Variants in FRMD6 observed in about 807,000 individuals in gnomAD.
FRMD6 encodes the protein FERM domain-containing protein 6.
Under a neutral mutation model 73.2 loss-of-function variants are expected in FRMD6, and 37 were observed. The ratio of observed to expected loss-of-function variants is 0.51; its 90% CI spans 0.39 to 0.66. The LOEUF (loss-of-function observed/expected upper bound fraction) is 0.66. Ranked by LOEUF, FRMD6 falls within the 30% of genes least tolerant of loss-of-function variation. The pLI is 0.00. For synonymous variants in FRMD6, 273 were observed against 282.2 expected (o/e 0.97, Z 0.33); for missense variants, 714 against 780.5 (o/e 0.91, Z 1.02).
chr14:51,648,959 C>T (rs1157827745), upstream of FRMD6, among the ~76,000 whole-genome samples: 2 of 152,288 alleles, frequency 1.3e-5, no homozygotes, highest in East Asian at 3.9e-4. Context: ...AACATCTCAT[C>T]ATATTAGTGA....
chr14:51,444,366 G>A, the FRMD6 span, among the ~76,000 whole-genome samples: 1 of 152,224 alleles, frequency 6.6e-6, no homozygotes, highest in Non-Finnish European at 1.5e-5. Context: ...CCTGGGTCTG[G>A]GAGGTGAAGA....
chr14:51,488,845 C>T (rs936650966), upstream of FRMD6, among the ~76,000 whole-genome samples: 2 of 152,204 alleles, frequency 1.3e-5, no homozygotes, highest in African/African-American at 4.8e-5. Flanking sequence ...GGTGGATGCC[C>T]TATGGATGGA....
chr14:51,700,952 A>C (rs143101516), intron 3 of FRMD6, 104 bp from the exon 4 acceptor site: 1 of 526,754 alleles, frequency 1.9e-6, no homozygotes, highest in East Asian at 3.2e-5. Flanking sequence ...TTCAGACTAC[A>C]TTCACAAGTC....
At chr14:51,566,060 G>C (rs546610440) in intron 1 of FRMD6, among the ~76,000 whole-genome samples, 2 of 152,320 alleles carry the variant, frequency 1.3e-5, no homozygotes, top group African/African-American at 4.8e-5. Flanking sequence ...AGCTACTCAG[G>C]AGGCTGAGGC....
chr14:51,678,287 G>C (rs114922224), intron 1 of FRMD6, among the ~76,000 whole-genome samples: 1,787 of 152,208 alleles, frequency 0.012, 48 homozygotes, highest in African/African-American at 0.041. Flanking sequence ...GGATATTTTT[G>C]GTACTTGCAA....
chr14:51,532,989 G>A (rs1885674688), intron 1 of FRMD6, among the ~76,000 whole-genome samples: 1 of 152,202 alleles, frequency 6.6e-6, no homozygotes, highest in Admixed American at 6.5e-5. Flanking sequence ...CTGCAATACT[G>A]CTATTAGCTC....
chr14:51,632,366 T>C (rs554040256), intron 2 of FRMD6, among the ~76,000 whole-genome samples: 2 of 152,276 alleles, frequency 1.3e-5, no homozygotes, highest in South Asian at 4.1e-4. Context: ...AACTCCATAA[T>C]AAAATACGCT....
intron 2 of FRMD6, among the ~76,000 whole-genome samples, chr14:51,696,285 T>A (rs1164355062): frequency 6.6e-6 from 1 of 151,570 alleles, no homozygotes; most frequent in Non-Finnish European, 1.5e-5. Flanking sequence ...CTAATAAACC[T>A]TGATGATTCT....
the FRMD6 span, among the ~76,000 whole-genome samples, chr14:51,470,003 G>A: frequency 6.6e-6 from 1 of 151,978 alleles, no homozygotes; most frequent in African/African-American, 2.4e-5. Context: ...CAGATGTTCT[G>A]TTTCTTCTGG....
intron 1 of FRMD6, among the ~76,000 whole-genome samples, chr14:51,501,402 G>T (rs931345013): frequency 6.6e-6 from 1 of 151,934 alleles, no homozygotes; most frequent in South Asian, 2.1e-4. Context: ...CCAGTGTGTT[G>T]TTTCCCCACC....
At chr14:51,421,959 G>A in the FRMD6 span, among the ~76,000 whole-genome samples, 1 of 152,188 alleles carries the variant, frequency 6.6e-6, no homozygotes, top group Non-Finnish European at 1.5e-5. Context: ...TAGGGTTCAG[G>A]GGAGCTAGCC....
intron 1 of FRMD6, among the ~76,000 whole-genome samples, chr14:51,501,027 A>G (rs769193881): frequency 6.6e-5 from 10 of 152,196 alleles, no homozygotes; most frequent in Non-Finnish European, 1.0e-4. Context: ...TGGTGCTCAG[A>G]CAGCTTCCCT....
chr14:51,562,413 G>A (rs1887533581), intron 1 of FRMD6, among the ~76,000 whole-genome samples: 1 of 152,232 alleles, frequency 6.6e-6, no homozygotes, highest in Middle Eastern at 3.4e-3. Flanking sequence ...GGCACCCTGC[G>A]ATCTTCAAGC....
At chr14:51,679,555 C>CTTTTT (rs61250963) in intron 1 of FRMD6, among the ~76,000 whole-genome samples, 12 of 120,578 alleles carry the variant, frequency 1.0e-4, no homozygotes, top group African/African-American at 2.7e-4. Context: ...CATTTGTTTT[C>CTTTTT]TTTTTTTTTT....
chr14:51,553,658 T>C (rs1423745560), intron 1 of FRMD6, among the ~76,000 whole-genome samples: 16 of 152,138 alleles, frequency 1.1e-4, no homozygotes, highest in Non-Finnish European at 1.5e-5. Context: ...AGGAAAGGGA[T>C]CAGATTTTCT....
chr14:51,652,809 C>T (rs911398994), intron 1 of FRMD6, among the ~76,000 whole-genome samples: 2 of 152,216 alleles, frequency 1.3e-5, no homozygotes, highest in Non-Finnish European at 2.9e-5. Flanking sequence ...AGCTGCGGTC[C>T]ACCCGTGTAA....
At chr14:51,652,851 T>A (rs927159806) in intron 1 of FRMD6, among the ~76,000 whole-genome samples, 4 of 152,140 alleles carry the variant, frequency 2.6e-5, no homozygotes, top group Admixed American at 6.5e-5. Flanking sequence ...AAACAACACC[T>A]CGAGTCCTGG....
intron 2 of FRMD6, among the ~76,000 whole-genome samples, chr14:51,632,024 A>G (rs1410964537): frequency 6.6e-6 from 1 of 152,184 alleles, no homozygotes; most frequent in Non-Finnish European, 1.5e-5. Flanking sequence ...ATGTGGAGGG[A>G]GGGACCTGGT....
chr14:51,708,123 A>G lies in FRMD6; in HGVS notation c.604A>G (p.Asn202Asp), dbSNP rs749489381. The change falls in exon 7 of 14, where the codon AAC becomes GAC. Residue 202 changes from asparagine to aspartate, a missense_variant. Coordinates refer to ENST00000344768, the MANE Select transcript of FRMD6 (RefSeq NM_001267046.2). ...GKDYILKHIP[N>D]MHKDQFALTA... Reference sequence around the variant, plus strand: ...GGACTACATCCTGAAGCACATTCCAAACATGCACAAAGATCAGTTTGCACT... The same window carrying G: ...GGACTACATCCTGAAGCACATTCCAGACATGCACAAAGATCAGTTTGCACT... 8 of 1,613,226 alleles carry G rather than the reference A, an allele frequency of 5.0e-6. No individual in the cohort carries two copies. In the African/African-American group the frequency reaches 5.3e-5, roughly 11 times the overall value.
Sources: allele counts gnomAD v4.1 joint callset (sites outside exome capture counted in the v4.1 genomes callset), GRCh38; gene constraint gnomAD v4.1.1; transcripts MANE v1.5; gene names NCBI Gene and HGNC (gene_info 2026-07-23, HGNC 2026-07-21).